Variants in UBE3A observed in about 807,000 individuals in gnomAD.
UBE3A encodes ubiquitin protein ligase E3A.
A neutral mutation model predicts 83.4 loss-of-function variants in UBE3A; 6 were observed. The ratio of observed to expected loss-of-function variants is 0.07; its 90% CI spans 0.04 to 0.14. The LOEUF is 0.14. Among genes scored for constraint, UBE3A ranks in the 10% least tolerant of loss-of-function variants. UBE3A has a pLI of 1.00. For missense variants in UBE3A, 456 were observed against 1,036.1 expected (o/e 0.44, Z 7.69); for synonymous variants, 337 against 355.4 (o/e 0.95, Z 0.58).
intron 1 of UBE3A, among the ~76,000 whole-genome samples, chr15:25,436,343 C>T (rs1895074367): frequency 6.6e-6 from 1 of 151,664 alleles, no homozygotes; most frequent in African/African-American, 2.4e-5. Context: ...TACATTTAGA[C>T]CTACACAATT....
rs1008925088 is a variant in UBE3A, at chr15:25,429,658, G to C, written c.-165+8831C>G. On this transcript the variant is annotated intron_variant, in intron 1 of 12. Coordinates refer to ENST00000648336, the MANE Select transcript of UBE3A (RefSeq NM_130839.5). ...GAGCCCAGGAGTCAAGACCAGGCTG[G>C]GTAATATAGTGAAACTTCATCTCTA... Among the ~76,000 whole-genome samples the C allele has an allele frequency of 8.6e-5, 13 of 151,824 alleles. No individual in the cohort carries two copies. The South Asian group carries it at 2.7e-3, about 32-fold the overall frequency.
chr15:25,375,782 CAAT>C lies in UBE3A; in HGVS notation c.63-22_63-20del. Reference sequence around the variant, plus strand: ...TCGCTTCCTGTACCAAACATTCAAACAATAAGCACAGTGATTAGTACAGCTCTC... The same window carrying C: ...TCGCTTCCTGTACCAAACATTCAAACAAGCACAGTGATTAGTACAGCTCTC... On this transcript the variant is annotated intron_variant, in intron 4 of 12. Coordinates refer to ENST00000648336, the MANE Select transcript of UBE3A (RefSeq NM_130839.5). 1.2e-6 allele frequency: 2 copies of C among 1,605,040 alleles called. No homozygotes were observed. Among genetic ancestry groups the C allele is most frequent in the Non-Finnish European group, 1.7e-6 (2 of 1,179,952 alleles).
chr15:25,416,347 C>A (rs1478221650), intron 1 of UBE3A, among the ~76,000 whole-genome samples: 9 of 152,130 alleles, frequency 5.9e-5, no homozygotes, highest in Admixed American at 3.9e-4. Flanking sequence ...CAGCGACTAT[C>A]ATAAACAATT....
At chr15:25,388,138 A>C (rs2152939185) in intron 4 of UBE3A, among the ~76,000 whole-genome samples, 1 of 152,286 alleles carries the variant, frequency 6.6e-6, no homozygotes, top group East Asian at 1.9e-4. Flanking sequence ...CTAATACCCA[A>C]ACCAGACAAA....
At chr15:25,392,830 G>A (rs1294759694) in intron 4 of UBE3A, among the ~76,000 whole-genome samples, 2 of 152,146 alleles carry the variant, frequency 1.3e-5, no homozygotes, top group African/African-American at 4.8e-5. Flanking sequence ...ATATGAAAAT[G>A]GAGAGGCAGG....
intron 4 of UBE3A, among the ~76,000 whole-genome samples, chr15:25,388,420 C>T (rs1447518906): frequency 2.0e-5 from 3 of 152,076 alleles, no homozygotes; most frequent in African/African-American, 7.2e-5. Context: ...ATTTAACACC[C>T]ACTCATGATA....
chr15:25,432,775 C>G (rs1893850485), intron 1 of UBE3A, among the ~76,000 whole-genome samples: 1 of 152,206 alleles, frequency 6.6e-6, no homozygotes, highest in South Asian at 2.1e-4. Context: ...TTTTATCCTA[C>G]TTGTATGAGT....
chr15:25,346,455 G>A (rs918137050), intron 11 of UBE3A: 1 of 152,060 alleles, frequency 6.6e-6, no homozygotes, highest in African/African-American at 2.4e-5. Flanking sequence ...AGAGTCTCCT[G>A]ATATAATAAC....
intron 5 of UBE3A, among the ~76,000 whole-genome samples, chr15:25,372,826 C>T (rs1167244046): frequency 6.6e-6 from 1 of 152,148 alleles, no homozygotes; most frequent in Non-Finnish European, 1.5e-5. Flanking sequence ...AATCCTACCT[C>T]CATTGCGCCA....
intron 5 of UBE3A, chr15:25,375,163 T>G: frequency 2.9e-6 from 1 of 343,864 alleles, no homozygotes; most frequent in Non-Finnish European, 5.4e-6. Flanking sequence ...ATAACTTAAA[T>G]AGATGTTGTG....
At chr15:25,349,841 G>A (rs1372982241) in intron 11 of UBE3A, among the ~76,000 whole-genome samples, 2 of 152,154 alleles carry the variant, frequency 1.3e-5, no homozygotes, top group Non-Finnish European at 1.5e-5. Flanking sequence ...CAGTCGATCT[G>A]ATAACCAGTA....
At chr15:25,408,961 A>G in intron 3 of UBE3A, 127 bp downstream of exon 3, 1 of 955,580 alleles carries the variant, frequency 1.0e-6, no homozygotes, top group South Asian at 1.8e-5. Flanking sequence ...TAAATGAAGT[A>G]GGTCAACTCT....
At chr15:25,346,376 A>G (rs1313003621) in intron 11 of UBE3A, 1 of 152,336 alleles carries the variant, frequency 6.6e-6, no homozygotes, top group Non-Finnish European at 1.5e-5. Context: ...ACAGCTCACA[A>G]ATATATGCTA....
At chr15:25,345,579 C>T (rs2075551372) in intron 11 of UBE3A, 1 of 152,046 alleles carries the variant, frequency 6.6e-6, no homozygotes, top group Non-Finnish European at 1.5e-5. Flanking sequence ...CACACACACA[C>T]ACACACACAC....
chr15:25,409,796 G>C (rs529361075), intron 2 of UBE3A, among the ~76,000 whole-genome samples: 137 of 152,238 alleles, frequency 9.0e-4, no homozygotes, highest in African/African-American at 2.9e-3. Flanking sequence ...AGTCACCAAG[G>C]AGGGCAACTG....
At chr15:25,376,127 T>C (rs2081169065) in intron 4 of UBE3A, among the ~76,000 whole-genome samples, 2 of 152,208 alleles carry the variant, frequency 1.3e-5, no homozygotes, top group Admixed American at 1.3e-4. Flanking sequence ...GATTCTATCA[T>C]TTTAAAAATT....
intron 4 of UBE3A, among the ~76,000 whole-genome samples, chr15:25,401,466 T>G (rs997607523): frequency 6.6e-6 from 1 of 152,232 alleles, no homozygotes; most frequent in African/African-American, 2.4e-5. Context: ...TTTTTATGAC[T>G]GATACAATCC....
At chr15:25,426,996 G>C (rs1203434331) in intron 1 of UBE3A, among the ~76,000 whole-genome samples, 2 of 152,024 alleles carry the variant, frequency 1.3e-5, no homozygotes, top group East Asian at 3.9e-4. Context: ...TTGTTGCCCA[G>C]GCTGGTCTCC....
At chr15:25,436,613 T>C (rs533697374) in intron 1 of UBE3A, among the ~76,000 whole-genome samples, 1 of 152,250 alleles carries the variant, frequency 6.6e-6, no homozygotes, top group Non-Finnish European at 1.5e-5. Flanking sequence ...GTTTAAGAAA[T>C]ACAACTGATT....
Sources: allele counts gnomAD v4.1 joint callset (sites outside exome capture counted in the v4.1 genomes callset), GRCh38; gene constraint gnomAD v4.1.1; transcripts MANE v1.5; gene names NCBI Gene and HGNC (gene_info 2026-07-23, HGNC 2026-07-21).